SLC25A26: variants seen among roughly 807,000 people sequenced by gnomAD.
The protein encoded by SLC25A26 is solute carrier family 25 member 26, also known as mitochondrial S-adenosylmethionine carrier protein.
A neutral mutation model predicts 37.8 loss-of-function variants in SLC25A26; 36 were observed. That is an observed-to-expected ratio of 0.95 (90% CI 0.73 to 1.26). SLC25A26 has a LOEUF of 1.26. Ranked by LOEUF, SLC25A26 falls within the 50% of genes most tolerant of loss-of-function variation. SLC25A26 has a pLI of 0.00. For missense variants in SLC25A26, 390 were observed against 331.1 expected (o/e 1.18, Z -1.38); for synonymous variants, 129 against 122.5 (o/e 1.05, Z -0.35).
At chr3:66,149,098 C>G (rs1367460051) in intron 1 of SLC25A26, among the ~76,000 whole-genome samples, 1 of 152,112 alleles carries the variant, frequency 6.6e-6, no homozygotes, top group Non-Finnish European at 1.5e-5. Flanking sequence ...ACAACATGCC[C>G]CATCTCTGTG....
At chr3:66,282,803 A>G (rs972859457) in intron 5 of SLC25A26, among the ~76,000 whole-genome samples, 3 of 152,180 alleles carry the variant, frequency 2.0e-5, no homozygotes, top group Admixed American at 2.0e-4. Context: ...GATACAGAAC[A>G]TTTCCATCAC....
chr3:66,369,178 T>C (rs1461682939), intron 7 of SLC25A26, among the ~76,000 whole-genome samples: 1 of 152,208 alleles, frequency 6.6e-6, no homozygotes, highest in African/African-American at 2.4e-5. Context: ...GTGTACACAT[T>C]CATCATGTAT....
At chr3:66,271,342 A>G (rs2073951738) in intron 5 of SLC25A26, among the ~76,000 whole-genome samples, 1 of 152,278 alleles carries the variant, frequency 6.6e-6, no homozygotes, top group African/African-American at 2.4e-5. Context: ...TGTACTGGTT[A>G]GATGAGGGCA....
intron 5 of SLC25A26, among the ~76,000 whole-genome samples, chr3:66,335,837 T>C (rs1672242669): frequency 6.6e-6 from 1 of 152,130 alleles, no homozygotes; most frequent in African/African-American, 2.4e-5. Flanking sequence ...CATCTTTTGT[T>C]AACAGGGCTG....
At chr3:66,239,039 C>T (rs2072439354) in intron 2 of SLC25A26, among the ~76,000 whole-genome samples, 1 of 152,166 alleles carries the variant, frequency 6.6e-6, no homozygotes. Context: ...GGGTCCTTGT[C>T]ATAAAGGAAG....
chr3:66,172,410 G>GAA lies in SLC25A26; in HGVS notation c.-354+38445_-354+38446dup, dbSNP rs1199322248. Among the ~76,000 whole-genome samples, 636 of 75,198 alleles carry GAA rather than the reference G, an allele frequency of 8.5e-3. 19 individuals are homozygous for GAA. Among genetic ancestry groups the GAA allele is most frequent in the African/African-American group, 0.029 (591 of 20,188 alleles). The allele number at this position is 75,198 out of a possible 152,430, so 49.3% of individuals were successfully genotyped here. A position where few individuals can be genotyped will look rare whatever the true frequency, so the allele number is the denominator to read the frequency against. ...TGGGCCAGAGAGTGATACCTGTAAA[G>GAA]AAAAAAAAAAAAAAAAAAAAGGAAA... On this transcript the variant is annotated intron_variant, in intron 1 of 10. Transcript: ENST00000676754.
At chr3:66,326,560 C>G (rs1042326728) in intron 5 of SLC25A26, among the ~76,000 whole-genome samples, 1 of 152,176 alleles carries the variant, frequency 6.6e-6, no homozygotes, top group Non-Finnish European at 1.5e-5. Flanking sequence ...AGAGTGGTGT[C>G]AAGTGGCATG....
At position 66,373,460 on chromosome 3, in the gene SLC25A26, C is replaced by T. The variant is rs1575625016; in HGVS notation, c.707+2858C>T. On this transcript the variant is annotated intron_variant, in intron 9 of 9. Coordinates refer to ENST00000354883, the MANE Select transcript of SLC25A26 (RefSeq NM_001379210.1). ...GAGCTTGTGAGTGGCAGAAGCTGAA[C>T]AAGACACTGGCGTTTAGAAATAAGT... Among the ~76,000 whole-genome samples, 3 of 152,134 alleles carry T rather than the reference C, an allele frequency of 2.0e-5. No homozygotes were observed. The South Asian group carries it at 6.2e-4, about 31-fold the overall frequency.
intron 2 of SLC25A26, 144 bp from the exon 3 acceptor site, chr3:66,243,059 G>C (rs2072656635): frequency 3.7e-6 from 2 of 533,538 alleles, no homozygotes; most frequent in African/African-American, 1.9e-5. Flanking sequence ...AAGAGTGGGG[G>C]TAGGAAGAAA....
chr3:66,303,497 T>C (rs2075132790), intron 5 of SLC25A26, among the ~76,000 whole-genome samples: 1 of 152,218 alleles, frequency 6.6e-6, no homozygotes, highest in African/African-American at 2.4e-5. Flanking sequence ...AAGATTAGGC[T>C]GTAAGTCAGA....
At chr3:66,351,027 C>A (rs1017995241) in intron 6 of SLC25A26, among the ~76,000 whole-genome samples, 2 of 152,104 alleles carry the variant, frequency 1.3e-5, no homozygotes, top group Admixed American at 6.5e-5. Context: ...AAGGCCTTAA[C>A]CCCTTCAATT....
At chr3:66,361,611 A>G (rs959475883) in intron 6 of SLC25A26, among the ~76,000 whole-genome samples, 1 of 152,216 alleles carries the variant, frequency 6.6e-6, no homozygotes, top group Non-Finnish European at 1.5e-5. Flanking sequence ...CAAAGACAGT[A>G]TGTTGTGGAT....
rs780816066 is a variant in SLC25A26, at chr3:66,262,127, A to G, written c.377A>G (p.Gln126Arg). The change falls in exon 4 of 10, where the codon CAG becomes CGG. Residue 126 changes from glutamine to arginine, a missense_variant. Transcript: ENST00000354883. ...GTATCTGCTTCTACAAGAACATTTC[A>G]GATTTTCTCTAACATCTTATATGAA... Reference protein sequence around the residue: ...AQVSASTRTFQIFSNILYEEG... With the variant: ...AQVSASTRTFRIFSNILYEEG... 8 of 1,571,070 alleles carry G rather than the reference A, an allele frequency of 5.1e-6. No homozygotes were observed. In the East Asian group the frequency reaches 1.6e-4, roughly 31 times the overall value.
chr3:66,195,613 C>T (rs1236038557), intron 1 of SLC25A26, among the ~76,000 whole-genome samples: 2 of 152,088 alleles, frequency 1.3e-5, no homozygotes, highest in Non-Finnish European at 2.9e-5. Context: ...GTGGTGCTGC[C>T]GAGCGAGGAG....
intron 1 of SLC25A26, among the ~76,000 whole-genome samples, chr3:66,156,512 C>T (rs2070284986): frequency 6.6e-6 from 1 of 151,992 alleles, no homozygotes; most frequent in Non-Finnish European, 1.5e-5. Flanking sequence ...GTCATACTGG[C>T]CAAAAGTACT....
At chr3:66,304,588 G>A (rs1430819543) in intron 5 of SLC25A26, 2 of 399,798 alleles carry the variant, frequency 5.0e-6, no homozygotes, top group Admixed American at 3.0e-5. Flanking sequence ...TGGGATATAC[G>A]CTACATGGTT....
rs187402929 is a variant in SLC25A26, at chr3:66,318,209, C to G, written c.454-28155C>G. ...TTCCCAGAGCTGGAGTATGCAAATA[C>G]TCCTATGTCTCAGTGTCTGCTCGAG... On this transcript the variant is annotated intron_variant, in intron 5 of 9. Transcript: ENST00000354883. 3.9e-5 allele frequency among the ~76,000 whole-genome samples: 6 copies of G among 152,288 alleles called. No individual in the cohort carries two copies. The East Asian group carries it at 1.2e-3, about 29-fold the overall frequency.
At chr3:66,376,506 A>T (rs1467956913) in intron 9 of SLC25A26, among the ~76,000 whole-genome samples, 1 of 152,216 alleles carries the variant, frequency 6.6e-6, no homozygotes, top group African/African-American at 2.4e-5. Context: ...GAAGATTACA[A>T]TTTACTGCAG....
At chr3:66,370,109 A>G (rs2107841489) in intron 8 of SLC25A26, among the ~76,000 whole-genome samples, 1 of 152,338 alleles carries the variant, frequency 6.6e-6, no homozygotes, top group African/African-American at 2.4e-5. Context: ...GCAGGATCCA[A>G]CCTAAGAATG....
Sources: gnomAD v4.1 joint callset for allele counts (sites outside exome capture counted in the v4.1 genomes callset) on GRCh38, gnomAD v4.1.1 for gene constraint, MANE v1.5 for transcripts, NCBI Gene and HGNC (gene_info 2026-07-23, HGNC 2026-07-21) for gene names.